FTO: variants seen among roughly 807,000 people sequenced by gnomAD.
FTO encodes alpha-ketoglutarate-dependent dioxygenase FTO.
A neutral mutation model predicts 63.9 loss-of-function variants in FTO; 47 were observed. The observed-to-expected ratio is 0.74, with a 90% CI of 0.58 to 0.94. The LOEUF (loss-of-function observed/expected upper bound fraction) is 0.94, where lower values mean the gene tolerates loss of function less well. Among genes scored for constraint, FTO ranks in the 40% least tolerant of loss-of-function variants. The pLI is 0.00. For synonymous variants in FTO, 207 were observed against 224.4 expected (o/e 0.92, Z 0.69); for missense variants, 562 against 618.1 (o/e 0.91, Z 0.96).
chr16:53,877,871 T>C (rs2080705912), intron 5 of FTO, among the ~76,000 whole-genome samples: 1 of 152,228 alleles, frequency 6.6e-6, no homozygotes, highest in Non-Finnish European at 1.5e-5. Flanking sequence ...ATTAAACTAG[T>C]TTTCCTATTG....
intron 8 of FTO, among the ~76,000 whole-genome samples, chr16:54,021,325 G>C (rs2084593733): frequency 6.6e-6 from 1 of 152,160 alleles, no homozygotes; most frequent in African/African-American, 2.4e-5. Flanking sequence ...CAACACATTT[G>C]AGGGCAGCTG....
intron 3 of FTO, among the ~76,000 whole-genome samples, chr16:53,840,064 A>T (rs1332001696): frequency 3.3e-5 from 5 of 152,024 alleles, no homozygotes; most frequent in African/African-American, 4.8e-5. Flanking sequence ...CAGCCTCCCA[A>T]TGTGCTGGGA....
intron 8 of FTO, among the ~76,000 whole-genome samples, chr16:54,015,621 A>G (rs538554491): frequency 2.6e-5 from 4 of 152,346 alleles, no homozygotes; most frequent in African/African-American, 9.6e-5. Flanking sequence ...CTTTGGGAAA[A>G]TTCAACTTAA....
At chr16:53,821,895 C>T (rs1211269287) in intron 2 of FTO, among the ~76,000 whole-genome samples, 1 of 152,148 alleles carries the variant, frequency 6.6e-6, no homozygotes, top group Non-Finnish European at 1.5e-5. Context: ...TGTGGGTTGG[C>T]ACAGAGTCAC....
chr16:53,990,019 A>G (rs1390068192), intron 8 of FTO, among the ~76,000 whole-genome samples: 1 of 150,398 alleles, frequency 6.6e-6, no homozygotes, highest in Non-Finnish European at 1.5e-5. Context: ...GTGTGTGTAC[A>G]TATAAAAAAT....
intron 8 of FTO, among the ~76,000 whole-genome samples, chr16:54,005,359 GAAAT>G (rs1488559071): frequency 6.1e-5 from 9 of 147,166 alleles, no homozygotes; most frequent in South Asian, 2.1e-4. Context: ...TTTAAAATAT[GAAAT>G]AAATATATAA....
At chr16:53,756,793 A>G (rs982532006) in intron 1 of FTO, among the ~76,000 whole-genome samples, 5 of 152,190 alleles carry the variant, frequency 3.3e-5, no homozygotes, top group African/African-American at 1.2e-4. Flanking sequence ...TTTTGTTCAC[A>G]TGAGTAGAAG....
intron 1 of FTO, among the ~76,000 whole-genome samples, chr16:53,745,320 G>A (rs998628129): frequency 2.6e-5 from 4 of 152,148 alleles, no homozygotes; most frequent in Non-Finnish European, 5.9e-5. Flanking sequence ...TGTCCTTGGG[G>A]CATTGCGAGC....
At chr16:53,969,697 C>G (rs2083274703) in intron 8 of FTO, among the ~76,000 whole-genome samples, 1 of 152,100 alleles carries the variant, frequency 6.6e-6, no homozygotes, top group Non-Finnish European at 1.5e-5. Context: ...TACCTTCTGC[C>G]CCTGGGAAAA....
At chr16:53,949,124 G>C (rs1227208907) in intron 8 of FTO, among the ~76,000 whole-genome samples, 3 of 149,164 alleles carry the variant, frequency 2.0e-5, no homozygotes, top group Non-Finnish European at 4.5e-5. Flanking sequence ...TTTGATAAAG[G>C]GTTTAATTCT....
intron 8 of FTO, among the ~76,000 whole-genome samples, chr16:53,999,363 G>A (rs1462188549): frequency 2.6e-5 from 4 of 152,166 alleles, no homozygotes; most frequent in Non-Finnish European, 5.9e-5. Context: ...GCAGAGGAAC[G>A]GGGAAGACTT....
intron 7 of FTO, among the ~76,000 whole-genome samples, chr16:53,898,304 GA>G (rs2081320841): frequency 6.6e-6 from 1 of 152,088 alleles, no homozygotes; most frequent in Non-Finnish European, 1.5e-5. Flanking sequence ...CCTTTGTCTG[GA>G]ATGTCTGTCC....
At chr16:53,956,611 A>G (rs7191513) in intron 8 of FTO, 78,005 of 151,758 alleles carry the variant, frequency 0.51, 20,432 homozygotes, top group East Asian at 0.76. Flanking sequence ...GAAATGCTAT[A>G]AAAGGAGGCA....
intron 8 of FTO, among the ~76,000 whole-genome samples, chr16:54,035,851 T>C (rs1477626217): frequency 6.6e-6 from 1 of 152,222 alleles, no homozygotes; most frequent in African/African-American, 2.4e-5. Flanking sequence ...CAACTGGACA[T>C]AGACCCCCTG....
Position 53,924,493 on chromosome 16 carries a change from G to A in FTO, c.1240-9492G>A, listed in dbSNP as rs192505180. Among the ~76,000 whole-genome samples, 17 of 152,244 alleles carry A rather than the reference G, an allele frequency of 1.1e-4. No homozygotes were observed. In the East Asian group the frequency reaches 3.3e-3, roughly 29 times the overall value. On this transcript the variant is annotated intron_variant, in intron 7 of 8. Coordinates refer to ENST00000471389, the MANE Select transcript of FTO (RefSeq NM_001080432.3). ...TGAACTGAACCAAGTGTGTCTTTAA[G>A]GTGGGAATGAAAGCCTGCTTTGTTG...
chr16:53,840,573 T>C (rs1027472473), intron 3 of FTO, among the ~76,000 whole-genome samples: 6 of 152,232 alleles, frequency 3.9e-5, no homozygotes, highest in African/African-American at 1.4e-4. Context: ...GTGTCTTATC[T>C]ACTCAACCTT....
intron 8 of FTO, chr16:54,039,489 G>T (rs1272520493): frequency 6.6e-6 from 1 of 152,240 alleles, no homozygotes. Flanking sequence ...TAGGGCCCAT[G>T]TGGCCCATTC....
intron 3 of FTO, 102 bp from the exon 4 acceptor site, chr16:53,844,053 C>G: frequency 1.0e-5 from 9 of 857,810 alleles, no homozygotes; most frequent in South Asian, 1.7e-5. Context: ...ATTTAATATT[C>G]ATATTTTATT....
intron 1 of FTO, among the ~76,000 whole-genome samples, chr16:53,720,069 A>T (rs141911530): frequency 6.6e-6 from 1 of 152,210 alleles, no homozygotes; most frequent in East Asian, 1.9e-4. Context: ...GTAGCCTGCT[A>T]TAGTTAGTGG....
Sources: gnomAD v4.1 joint callset for allele counts (sites outside exome capture counted in the v4.1 genomes callset) on GRCh38, gnomAD v4.1.1 for gene constraint, MANE v1.5 for transcripts, NCBI Gene and HGNC (gene_info 2026-07-23, HGNC 2026-07-21) for gene names.